Variants in ESRRG observed in about 807,000 individuals in gnomAD.
ESRRG encodes the protein estrogen-related receptor gamma.
In ESRRG, 13 loss-of-function variants were observed where a neutral mutation model predicts 44.0. That is an observed-to-expected ratio of 0.30 (90% CI 0.19 to 0.47). ESRRG has a LOEUF of 0.47. ESRRG is among the 20% of genes least tolerant of loss of function. The pLI, the probability that ESRRG is intolerant of heterozygous loss-of-function variation, is 1.00. For synonymous variants in ESRRG, 215 were observed against 214.6 expected (o/e 1.00, Z -0.02); for missense variants, 395 against 580.6 (o/e 0.68, Z 3.29).
In ESRRG at chr1:216,564,220, T is replaced by A; in HGVS notation, c.861A>T (p.Pro287=). The A allele has an allele frequency of 6.7e-7, 1 of 1,490,518 alleles. No homozygotes were observed. Among genetic ancestry groups the A allele is most frequent in the Non-Finnish European group, 9.0e-7 (1 of 1,117,258 alleles). The allele number at this position is 1,490,518 out of a possible 1,614,324, so 92.3% of individuals were successfully genotyped here. ...TCTTTTTCTTTTCAGAAAATGTACC[T>A]GGAATATGCTTCGCCCATCCAATGA... ...VVIIGWAKHI[P]GFSTLSLADQ... The change falls in exon 5 of 7, where the codon CCA becomes CCT. Residue 287 remains proline, a splice_region_variant and synonymous_variant. Transcript: ENST00000408911.
intron 1 of ESRRG, among the ~76,000 whole-genome samples, chr1:216,958,654 A>G (rs1047139135): frequency 6.6e-6 from 1 of 152,196 alleles, no homozygotes; most frequent in Non-Finnish European, 1.5e-5. Flanking sequence ...TTCTCTGCTC[A>G]GAGCAATCCA....
intron 1 of ESRRG, 75 bp downstream of exon 1, chr1:216,723,169 T>G: frequency 8.0e-7 from 1 of 1,252,372 alleles, no homozygotes; most frequent in Non-Finnish European, 1.2e-6. Flanking sequence ...AATCAGTGTG[T>G]AAAGATATAG....
At chr1:216,927,732 G>T (rs576467539) in intron 2 of ESRRG, among the ~76,000 whole-genome samples, 3 of 152,104 alleles carry the variant, frequency 2.0e-5, no homozygotes, top group South Asian at 4.1e-4. Context: ...GGCAGGACTG[G>T]TGCCATACTG....
At position 217,029,018 on chromosome 1, in the gene ESRRG, C is replaced by T. The variant is rs971999450; in HGVS notation, c.-106+60489G>A. ...TCTTTAATTCAAAAGTAATTGTGTACCATTACAGCTCAGAGTTTAAAATGA... is the reference window on the plus strand; with the variant it reads ...TCTTTAATTCAAAAGTAATTGTGTATCATTACAGCTCAGAGTTTAAAATGA... On this transcript the variant is annotated intron_variant, in intron 1 of 7. Transcript: ENST00000359162. 3.3e-5 allele frequency among the ~76,000 whole-genome samples: 5 copies of T among 151,570 alleles called. No individual in the cohort carries two copies. In the East Asian group the frequency reaches 7.8e-4, roughly 24 times the overall value.
intron 1 of ESRRG, among the ~76,000 whole-genome samples, chr1:217,078,765 T>C (rs1375448233): frequency 2.0e-5 from 3 of 152,222 alleles, no homozygotes; most frequent in East Asian, 3.8e-4. Context: ...AACCTTTGTA[T>C]GTAAGGTTCC....
At chr1:216,663,418 T>C (rs1358789259) in intron 2 of ESRRG, among the ~76,000 whole-genome samples, 1 of 152,072 alleles carries the variant, frequency 6.6e-6, no homozygotes, top group African/African-American at 2.4e-5. Flanking sequence ...TTCAGATTCA[T>C]TCTAAAGGTA....
At chr1:216,822,258 G>C (rs2095313576) in intron 2 of ESRRG, among the ~76,000 whole-genome samples, 1 of 152,230 alleles carries the variant, frequency 6.6e-6, no homozygotes, top group Admixed American at 6.5e-5. Flanking sequence ...GTTGCAAAAT[G>C]CGATTTCATT....
rs192998649 is a variant in ESRRG at position 216,819,335 on chromosome 1, A to C, written c.-14+120247T>G. On this transcript the variant is annotated intron_variant, in intron 2 of 7. Transcript: ENST00000359162. ...TCTCACAACAAGGAGGAAAACCAAC[A>C]AAACAAAAACTACTTCAAATCCTTC... Among the ~76,000 whole-genome samples, 644 of 152,162 alleles carry C rather than the reference A, an allele frequency of 4.2e-3. 6 individuals are homozygous for C. The highest frequency in any genetic ancestry group is 6.8e-3 in the Middle Eastern group (2 of 294).
intron 5 of ESRRG, among the ~76,000 whole-genome samples, chr1:216,552,703 T>C (rs1209605463): frequency 6.6e-6 from 1 of 152,104 alleles, no homozygotes; most frequent in Non-Finnish European, 1.5e-5. Context: ...CCCCTTAAAA[T>C]ACAAAGGTCT....
At chr1:216,909,788 T>C (rs1197777180) in intron 2 of ESRRG, among the ~76,000 whole-genome samples, 1 of 152,316 alleles carries the variant, frequency 6.6e-6, no homozygotes, top group East Asian at 1.9e-4. Flanking sequence ...CACTATTTGT[T>C]GAATAGAGAT....
chr1:216,914,279 G>GT (rs993537007), intron 2 of ESRRG, among the ~76,000 whole-genome samples: 17 of 152,176 alleles, frequency 1.1e-4, no homozygotes, highest in African/African-American at 2.6e-4. Context: ...GAAAATTCTG[G>GT]TTTTTTATTA....
chr1:217,024,138 C>T (rs919656354), intron 1 of ESRRG, among the ~76,000 whole-genome samples: 1 of 152,098 alleles, frequency 6.6e-6, no homozygotes, highest in Non-Finnish European at 1.5e-5. Flanking sequence ...GTGGGCGGAT[C>T]ACGAGGTCAG....
In ESRRG at chr1:216,505,496, T is replaced by G. The variant is rs533792528; in HGVS notation, c.*1443A>C. 1.3e-5 allele frequency: 2 copies of G among 152,612 alleles called. No homozygotes were observed. Among genetic ancestry groups the G allele is most frequent in the African/African-American group, 4.8e-5 (2 of 41,434 alleles). 9.5% of individuals were successfully genotyped at this position (152,612 alleles called of 1,614,324 possible). ...GGCATTTGCCTTATTGCCTCTTAAATGAATACTGGCTCACAGCTCCTTCTG... is the reference window on the plus strand; with the variant it reads ...GGCATTTGCCTTATTGCCTCTTAAAGGAATACTGGCTCACAGCTCCTTCTG... On this transcript the variant is annotated 3_prime_UTR_variant, in exon 7 of 7. Coordinates refer to ENST00000408911, the MANE Select transcript of ESRRG (RefSeq NM_001438.4).
At chr1:217,136,178 G>A (rs368084847) in intron 1 of ESRRG, among the ~76,000 whole-genome samples, 1 of 152,170 alleles carries the variant, frequency 6.6e-6, no homozygotes. Context: ...GGCTGTTGAA[G>A]ACAGGGGGCG....
chr1:216,960,590 G>GTTTGTTT (rs1178014266), intron 1 of ESRRG, among the ~76,000 whole-genome samples: 15 of 151,798 alleles, frequency 9.9e-5, no homozygotes, highest in Non-Finnish European at 1.9e-4. Context: ...GTGTTTGTTT[G>GTTTGTTT]TTTGTTTGTT....
At chr1:216,533,383 G>T (rs1223648624) in intron 5 of ESRRG, among the ~76,000 whole-genome samples, 3 of 152,138 alleles carry the variant, frequency 2.0e-5, no homozygotes, top group Non-Finnish European at 4.4e-5. Flanking sequence ...GATCTTGAAA[G>T]AATTTTAATG....
At chr1:216,744,143 G>A (rs958595287) in intron 2 of ESRRG, among the ~76,000 whole-genome samples, 1 of 152,130 alleles carries the variant, frequency 6.6e-6, no homozygotes, top group African/African-American at 2.4e-5. Context: ...AGTCTTGGGT[G>A]GATAAGGAAC....
At chr1:216,970,875 A>G (rs77116045) in intron 1 of ESRRG, among the ~76,000 whole-genome samples, 1 of 152,196 alleles carries the variant, frequency 6.6e-6, no homozygotes, top group Non-Finnish European at 1.5e-5. Flanking sequence ...CTGGAACATA[A>G]TACCCTGTTG....
At chr1:217,056,078 G>C (rs1180787364) in intron 1 of ESRRG, among the ~76,000 whole-genome samples, 2 of 151,970 alleles carry the variant, frequency 1.3e-5, no homozygotes, top group Non-Finnish European at 2.9e-5. Flanking sequence ...TAACATTTCT[G>C]GTCCCTAAAA....
Sources: gnomAD v4.1 joint callset for allele counts (sites outside exome capture counted in the v4.1 genomes callset) on GRCh38, gnomAD v4.1.1 for gene constraint, MANE v1.5 for transcripts, NCBI Gene and HGNC (gene_info 2026-07-23, HGNC 2026-07-21) for gene names.